PCM1: variants seen among roughly 807,000 people sequenced by gnomAD.
The protein encoded by PCM1 is pericentriolar material 1.
A neutral mutation model predicts 241.9 loss-of-function variants in PCM1; 157 were observed. That is an observed-to-expected ratio of 0.65 (90% CI 0.57 to 0.74). The LOEUF (loss-of-function observed/expected upper bound fraction) is 0.74. Among genes scored for constraint, PCM1 ranks in the 30% least tolerant of loss-of-function variants. PCM1 has a pLI of 0.00. For missense variants in PCM1, 3,478 were observed against 2,360.1 expected, an observed-to-expected ratio of 1.47 and a Z score of -9.81; for synonymous variants, 1,085 against 784.9, an observed-to-expected ratio of 1.38 and a Z score of -6.39.
chr8:17,972,605 C>T lies in PCM1; in HGVS notation c.3861C>T (p.Ser1287=). Residue 1287 remains serine (S), a synonymous_variant, in exon 23 of 39, where the codon AGC becomes AGT. Transcript: ENST00000325083. ...FKTRKASAQA[S]LASKDKTPKS... ...CAAGAAAAGCGTCTGCACAGGCCAG[C>T]CTGGCATCTAAAGATAAAACTCCCA... The T allele has an allele frequency of 1.3e-6, 2 of 1,593,612 alleles. No homozygotes were observed. Among genetic ancestry groups the T allele is most frequent in the Non-Finnish European group, 1.7e-6 (2 of 1,173,340 alleles).
intron 4 of PCM1, among the ~76,000 whole-genome samples, chr8:17,937,959 T>C (rs538730305): frequency 4.6e-5 from 7 of 152,202 alleles, no homozygotes; most frequent in Non-Finnish European, 1.0e-4. Context: ...TTATATCTAT[T>C]TATCAATTAT....
At chr8:17,933,271 C>T (rs966881855) in intron 2 of PCM1, among the ~76,000 whole-genome samples, 2 of 152,148 alleles carry the variant, frequency 1.3e-5, no homozygotes, top group East Asian at 1.9e-4. Flanking sequence ...GGTTTTTGTT[C>T]CTGAGCTAGT....
chr8:17,947,641 T>C (rs887184386), intron 7 of PCM1, among the ~76,000 whole-genome samples: 4 of 152,238 alleles, frequency 2.6e-5, no homozygotes, highest in African/African-American at 7.2e-5. Context: ...AGTTCTGTTT[T>C]TGTACCTCAG....
chr8:17,926,605 CAG>C (rs1010179423), intron 2 of PCM1: 3 of 152,126 alleles, frequency 2.0e-5, no homozygotes, highest in African/African-American at 7.2e-5. Context: ...GCAGAGAAAA[CAG>C]ACAGTGGAGT....
intron 36 of PCM1, among the ~76,000 whole-genome samples, chr8:18,022,954 T>G (rs527469728): frequency 6.6e-6 from 1 of 152,338 alleles, no homozygotes; most frequent in South Asian, 2.1e-4. Flanking sequence ...CATCCTTATT[T>G]GGCGATGGTA....
chr8:17,945,181 A>ACCCTT (rs1243205328), intron 6 of PCM1, among the ~76,000 whole-genome samples: 1 of 152,082 alleles, frequency 6.6e-6, no homozygotes, highest in Non-Finnish European at 1.5e-5. Context: ...AATTATCCCT[A>ACCCTT]CCCTTCAAAG....
At chr8:18,021,747 A>G (rs1251010097) in intron 36 of PCM1, among the ~76,000 whole-genome samples, 2 of 152,174 alleles carry the variant, frequency 1.3e-5, no homozygotes, top group Admixed American at 6.5e-5. Flanking sequence ...CCTTGGCCAA[A>G]AATTTTACCA....
chr8:18,021,508 T>C (rs1031953469), intron 36 of PCM1, among the ~76,000 whole-genome samples: 2 of 152,232 alleles, frequency 1.3e-5, no homozygotes, highest in African/African-American at 4.8e-5. Context: ...GAAAGGCTGA[T>C]GCCACAACAG....
At chr8:17,986,640 A>G (rs1419349017) in intron 26 of PCM1, among the ~76,000 whole-genome samples, 1 of 151,772 alleles carries the variant, frequency 6.6e-6, no homozygotes, top group Non-Finnish European at 1.5e-5. Context: ...TGTCCTCCAA[A>G]TAGCACTTAG....
At chr8:17,966,293 A>T in intron 19 of PCM1, 35 bp from the exon 20 acceptor site, 2 of 1,610,512 alleles carry the variant, frequency 1.2e-6, no homozygotes, top group South Asian at 2.2e-5. Context: ...TTCTCAAGTC[A>T]TCAGTAACTA....
intron 36 of PCM1, among the ~76,000 whole-genome samples, chr8:18,016,149 AAGTGCTGGGATTACAGGCGT>A (rs1356944576): frequency 6.6e-5 from 10 of 152,234 alleles, no homozygotes; most frequent in African/African-American, 2.4e-4. Flanking sequence ...CAGCCTCCCA[AAGTGCTGGGATTACAGGCGT>A]GAGCCACCGC....
intron 34 of PCM1, among the ~76,000 whole-genome samples, chr8:18,012,561 A>G (rs1384525529): frequency 6.6e-6 from 1 of 151,746 alleles, no homozygotes. Flanking sequence ...TTTATATGTT[A>G]TTTTCCTCCC....
chr8:18,000,589 G>C (rs1225312590), intron 29 of PCM1, among the ~76,000 whole-genome samples: 1 of 151,456 alleles, frequency 6.6e-6, no homozygotes, highest in Admixed American at 6.6e-5. Flanking sequence ...AGAAGGCTTG[G>C]GAGAAGGGGG....
intron 17 of PCM1, among the ~76,000 whole-genome samples, chr8:17,964,007 T>G (rs747803513): frequency 3.3e-5 from 5 of 152,226 alleles, no homozygotes; most frequent in Non-Finnish European, 5.9e-5. Flanking sequence ...ACACGTCTGT[T>G]CTTCTACAGA....
chr8:17,933,992 C>G (rs1203986866), intron 2 of PCM1, among the ~76,000 whole-genome samples: 1 of 151,604 alleles, frequency 6.6e-6, no homozygotes, highest in East Asian at 1.9e-4. Flanking sequence ...CAGGAAGGGT[C>G]AATGTATTTG....
intron 2 of PCM1, among the ~76,000 whole-genome samples, chr8:17,932,594 C>G (rs1445490197): frequency 1.3e-5 from 2 of 151,844 alleles, no homozygotes; most frequent in South Asian, 2.1e-4. Context: ...CTCTGTATAA[C>G]AAAGGTATTA....
chr8:17,960,527 G>GTTTTTGTTTTTTT lies in PCM1; in HGVS notation c.2322+88_2322+89insGTTTTTTTTTTTT. Reference sequence around the variant, plus strand: ...ACTGAAAGTACTCTTTTTTGTTTTTGTTTTTCTTTTTTTTTGAGGCAGAGT... The same window carrying GTTTTTGTTTTTTT: ...ACTGAAAGTACTCTTTTTTGTTTTTGTTTTTGTTTTTTTTTTTTCTTTTTTTTTGAGGCAGAGT... On this transcript the variant is annotated intron_variant, in intron 15 of 38. Coordinates refer to ENST00000325083, the MANE Select transcript of PCM1 (RefSeq NM_006197.4). 19 of 412,956 alleles carry GTTTTTGTTTTTTT rather than the reference G, an allele frequency of 4.6e-5. No individual in the cohort carries two copies. In the East Asian group the frequency reaches 6.0e-4, roughly 13 times the overall value. The allele number at this position is 412,956 out of a possible 1,614,324, so 25.6% of individuals were successfully genotyped here. A position where few individuals can be genotyped will look rare whatever the true frequency, so the allele number is the denominator to read the frequency against.
At position 18,011,754 on chromosome 8, in the gene PCM1, A is replaced by G; in HGVS notation, c.5438A>G (p.Glu1813Gly). 6.2e-7 allele frequency: 1 copy of G among 1,613,808 alleles called. No individual in the cohort carries two copies. The highest frequency in any genetic ancestry group is 8.5e-7 in the Non-Finnish European group (1 of 1,179,782). The change falls in exon 34 of 39, where the codon GAA becomes GGA. Residue 1813 changes from glutamate to glycine, a missense_variant. Glu to Gly is a moderately conservative substitution (Grantham distance 98). Coordinates refer to ENST00000325083, the MANE Select transcript of PCM1 (RefSeq NM_006197.4). Reference sequence around the variant, plus strand: ...GATGAAGAAATGGAAGAATTTGAAGAAGGCCCTGTGGATGTCCAGACTTCC... The same window carrying G: ...GATGAAGAAATGGAAGAATTTGAAGGAGGCCCTGTGGATGTCCAGACTTCC... ...NEDEEMEEFE[E>G]GPVDVQTSLQ...
intron 4 of PCM1, among the ~76,000 whole-genome samples, chr8:17,938,384 AT>A (rs1445930356): frequency 6.6e-6 from 1 of 152,202 alleles, no homozygotes; most frequent in East Asian, 1.9e-4. Context: ...TTCCTAAGAT[AT>A]ATCTCATGTT....
Sources: allele counts gnomAD v4.1 joint callset (sites outside exome capture counted in the v4.1 genomes callset), GRCh38; gene constraint gnomAD v4.1.1; transcripts MANE v1.5; gene names NCBI Gene and HGNC (gene_info 2026-07-23, HGNC 2026-07-21).